FBXO7: variants seen among roughly 807,000 people sequenced by gnomAD.
FBXO7 encodes the protein F-box protein 7, also known as F-box only protein 7.
Under a neutral mutation model 50.2 loss-of-function variants are expected in FBXO7, and 31 were observed. That is an observed-to-expected ratio of 0.62 (90% CI 0.46 to 0.83). The LOEUF is 0.83. Among genes scored for constraint, FBXO7 ranks in the 40% least tolerant of loss-of-function variants. The probability of loss-of-function intolerance (pLI) is 0.00; values close to 1 mark genes in which losing one functional copy is unlikely to be tolerated. For missense variants in FBXO7, 667 were observed against 646.6 expected, an observed-to-expected ratio of 1.03 and a Z score of -0.34; for synonymous variants, 256 against 253.1, an observed-to-expected ratio of 1.01 and a Z score of -0.11.
intron 1 of FBXO7, among the ~76,000 whole-genome samples, chr22:32,476,361 C>CT (rs1392120715): frequency 1.3e-5 from 2 of 152,006 alleles, no homozygotes; most frequent in Non-Finnish European, 2.9e-5. Flanking sequence ...AATCTTCAAA[C>CT]TTATTTTTTA....
At chr22:32,475,546 C>T (rs2057422437) in intron 1 of FBXO7, 3 of 989,604 alleles carry the variant, frequency 3.0e-6, no homozygotes, top group Non-Finnish European at 1.4e-6. Context: ...GAGTTAATTT[C>T]TTCAGCTGTT....
chr22:32,484,522 A>G (rs1373998092), intron 3 of FBXO7, among the ~76,000 whole-genome samples: 3 of 152,224 alleles, frequency 2.0e-5, no homozygotes, highest in Non-Finnish European at 4.4e-5. Flanking sequence ...CATGCCATGC[A>G]CTGACCTAGA....
chr22:32,487,875 C>A, intron 5 of FBXO7, 47 bp downstream of exon 5: 1 of 1,175,718 alleles, frequency 8.5e-7, no homozygotes, highest in South Asian at 1.3e-5. Flanking sequence ...CTGTGAAATT[C>A]ATATAAGAAA....
intron 2 of FBXO7, among the ~76,000 whole-genome samples, chr22:32,483,203 CTAT>C (rs1289926576): frequency 6.6e-6 from 1 of 152,154 alleles, no homozygotes; most frequent in Non-Finnish European, 1.5e-5. Context: ...TAGGCACACA[CTAT>C]TATTGTTATT....
At chr22:32,476,243 T>C (rs2145985516) in intron 1 of FBXO7, among the ~76,000 whole-genome samples, 1 of 152,154 alleles carries the variant, frequency 6.6e-6, no homozygotes, top group South Asian at 2.1e-4. Flanking sequence ...CATAACTCCT[T>C]TTAAACATTA....
At chr22:32,476,651 A>G (rs2057430808) in intron 1 of FBXO7, among the ~76,000 whole-genome samples, 1 of 152,004 alleles carries the variant, frequency 6.6e-6, no homozygotes. Context: ...TGGAGCTAGG[A>G]TTGTCATGAA....
chr22:32,477,869 G>A (rs2057438877), intron 1 of FBXO7, among the ~76,000 whole-genome samples: 1 of 152,202 alleles, frequency 6.6e-6, no homozygotes, highest in South Asian at 2.1e-4. Flanking sequence ...GTTCAGACAA[G>A]ATCGCTGATC....
chr22:32,495,479 C>T lies in FBXO7; in HGVS notation c.1145-14C>T. 1 of 1,565,302 alleles carries T rather than the reference C, an allele frequency of 6.4e-7. No individual in the cohort carries two copies. The highest frequency in any genetic ancestry group is 1.1e-5 in the South Asian group (1 of 88,946). Reference sequence around the variant, plus strand: ...AATGTTTTTAAATCCTTATTTTTCCCTTTTCCTTTGTAGACAATACTGTCA... The same window carrying T: ...AATGTTTTTAAATCCTTATTTTTCCTTTTTCCTTTGTAGACAATACTGTCA... On this transcript the variant is annotated splice_polypyrimidine_tract_variant and intron_variant, in intron 7 of 8. Transcript: ENST00000266087.
At chr22:32,488,242 G>A in intron 5 of FBXO7, 1 of 165,830 alleles carries the variant, frequency 6.0e-6, no homozygotes, top group Admixed American at 6.0e-5. Context: ...GATTATTGGA[G>A]GAAAAACTAC....
intron 4 of FBXO7, among the ~76,000 whole-genome samples, chr22:32,486,132 AAGTT>A (rs1275885780): frequency 2.6e-5 from 4 of 152,172 alleles, no homozygotes; most frequent in African/African-American, 4.8e-5. Flanking sequence ...GCTGAGATGA[AAGTT>A]AGGTAGAAGC....
chr22:32,485,395 G>T (rs1226289099), intron 4 of FBXO7, among the ~76,000 whole-genome samples, 186 bp downstream of exon 4: 2 of 152,112 alleles, frequency 1.3e-5, no homozygotes, highest in Non-Finnish European at 2.9e-5. Flanking sequence ...TTGTTGAGTT[G>T]TTTAGGCCAG....
intron 5 of FBXO7, chr22:32,489,541 C>T (rs1675001525): frequency 6.6e-6 from 1 of 152,160 alleles, no homozygotes; most frequent in Non-Finnish European, 1.5e-5. Flanking sequence ...AGGAGGCTCA[C>T]TTACTTAAGG....
At chr22:32,475,261 G>A (rs1786994074) in intron 1 of FBXO7, 137 bp downstream of exon 1, 3 of 1,559,876 alleles carry the variant, frequency 1.9e-6, no homozygotes, top group South Asian at 2.3e-5. Flanking sequence ...ACGCCGGGGG[G>A]GCCTTCACGG....
chr22:32,487,525 A>G, intron 4 of FBXO7: 1 of 466,386 alleles, frequency 2.1e-6, no homozygotes, highest in Non-Finnish European at 3.9e-6. Context: ...TGCTTACTGT[A>G]GTTTTTAAAG....
chr22:32,479,324 T>C lies in FBXO7; in HGVS notation c.417+49T>C, dbSNP rs752530590. 20 of 1,528,126 alleles carry C rather than the reference T, an allele frequency of 1.3e-5. No homozygotes were observed. The South Asian group carries it at 2.2e-4, about 17-fold the overall frequency. The allele number at this position is 1,528,126 out of a possible 1,614,324, so 94.7% of individuals were successfully genotyped here. On this transcript the variant is annotated intron_variant, in intron 2 of 8. Transcript: ENST00000266087. ...CAAATAGAGTAGGTGATAAGTCATA[T>C]TGAACACCTCAGTTGAATTCTGTTC...
chr22:32,474,977 G>A lies in FBXO7; in HGVS notation c.-26G>A. 4 of 1,528,854 alleles carry A rather than the reference G, an allele frequency of 2.6e-6. No individual in the cohort carries two copies. Among genetic ancestry groups the A allele is most frequent in the Non-Finnish European group, 1.8e-6 (2 of 1,142,818 alleles). 94.7% of individuals were successfully genotyped at this position (1,528,854 alleles called of 1,614,324 possible). A position where few individuals can be genotyped will look rare whatever the true frequency, so the allele number is the denominator to read the frequency against. On this transcript the variant is annotated 5_prime_UTR_variant, in exon 1 of 9. Transcript: ENST00000266087. ...GTCCCCGTCGCCGCTTCCGGGTCCA[G>A]GCCCCTCGGGCCGCCTGCCGCCGTC...
At chr22:32,478,271 G>T (rs738264) in intron 1 of FBXO7, 49,831 of 152,254 alleles carry the variant, frequency 0.33, 8,643 homozygotes, top group East Asian at 0.61. Flanking sequence ...GTGAAGGAAT[G>T]ATGTGATCTA....
chr22:32,492,202 G>C (rs2057542366), intron 6 of FBXO7: 1 of 152,168 alleles, frequency 6.6e-6, no homozygotes, highest in Non-Finnish European at 1.5e-5. Flanking sequence ...TGAATAGATA[G>C]TGGCTTTTAT....
In FBXO7 at chr22:32,496,541, G is replaced by C. The variant is rs377208800; in HGVS notation, c.1182+1011G>C. 6.6e-5 allele frequency among the ~76,000 whole-genome samples: 10 copies of C among 152,112 alleles called. No homozygotes were observed. The East Asian group carries it at 7.7e-4, about 12-fold the overall frequency. Reference sequence around the variant, plus strand: ...TATGCTAAATCTGTGCCTTTGCTCTGTAAATGGAACAACAAAGCCTGGATG... The same window carrying C: ...TATGCTAAATCTGTGCCTTTGCTCTCTAAATGGAACAACAAAGCCTGGATG... On this transcript the variant is annotated intron_variant, in intron 8 of 8. Coordinates refer to ENST00000266087, the MANE Select transcript of FBXO7 (RefSeq NM_012179.4).
Sources: allele counts gnomAD v4.1 joint callset (sites outside exome capture counted in the v4.1 genomes callset), GRCh38; gene constraint gnomAD v4.1.1; transcripts MANE v1.5; gene names NCBI Gene and HGNC (gene_info 2026-07-23, HGNC 2026-07-21).